MAGI2: variants seen among roughly 807,000 people sequenced by gnomAD.
MAGI2 encodes the protein membrane-associated guanylate kinase, WW and PDZ domain-containing protein 2.
Under a neutral mutation model 133.3 loss-of-function variants are expected in MAGI2, and 35 were observed. The observed-to-expected ratio is 0.26, with a 90% confidence interval of 0.20 to 0.35. The LOEUF (loss-of-function observed/expected upper bound fraction) is 0.35, where lower values mean the gene tolerates loss of function less well. Among genes scored for constraint, MAGI2 ranks in the 10% least tolerant of loss-of-function variants. The probability of loss-of-function intolerance (pLI) is 1.00; values close to 1 mark genes in which losing one functional copy is unlikely to be tolerated. For missense variants in MAGI2, 1,636 were observed against 1,863.4 expected (o/e 0.88, Z 2.25); for synonymous variants, 729 against 710.6 (o/e 1.03, Z -0.41).
At chr7:79,432,112 A>C (rs1252568078) in intron 1 of MAGI2, among the ~76,000 whole-genome samples, 1 of 152,244 alleles carries the variant, frequency 6.6e-6, no homozygotes, top group African/African-American at 2.4e-5. Context: ...GTGGAAAACA[A>C]GCAAGTTACT....
chr7:79,399,898 A>G (rs1437203093), intron 1 of MAGI2, among the ~76,000 whole-genome samples: 1 of 152,226 alleles, frequency 6.6e-6, no homozygotes, highest in African/African-American at 2.4e-5. Context: ...TGTTAATCAT[A>G]CTAATATTGT....
At chr7:78,106,284 A>T (rs1366234676) in intron 20 of MAGI2, among the ~76,000 whole-genome samples, 1 of 152,110 alleles carries the variant, frequency 6.6e-6, no homozygotes, top group Non-Finnish European at 1.5e-5. Flanking sequence ...GTTGATGCCA[A>T]ATCTTTGCTA....
intron 2 of MAGI2, among the ~76,000 whole-genome samples, chr7:78,737,016 G>C (rs1280735050): frequency 6.6e-6 from 1 of 152,178 alleles, no homozygotes; most frequent in Non-Finnish European, 1.5e-5. Context: ...TTGAATGAAT[G>C]ACTGACAGAT....
At chr7:79,039,512 T>A (rs1375577204) in intron 1 of MAGI2, among the ~76,000 whole-genome samples, 1 of 151,936 alleles carries the variant, frequency 6.6e-6, no homozygotes, top group Non-Finnish European at 1.5e-5. Context: ...ACAAATGGAA[T>A]TACATCAAGC....
intron 6 of MAGI2, among the ~76,000 whole-genome samples, chr7:78,446,869 G>C (rs1375506179): frequency 6.6e-6 from 1 of 152,038 alleles, no homozygotes; most frequent in African/African-American, 2.4e-5. Flanking sequence ...ATCAGCCGAA[G>C]AGTTACTAAA....
At chr7:78,675,241 T>C (rs1429096725) in intron 2 of MAGI2, among the ~76,000 whole-genome samples, 3 of 115,888 alleles carry the variant, frequency 2.6e-5, no homozygotes, top group African/African-American at 9.0e-5. Context: ...TTGAGAATTA[T>C]GGGTTGCTGT....
At chr7:78,652,471 C>T (rs1301454829) in intron 2 of MAGI2, among the ~76,000 whole-genome samples, 1 of 152,038 alleles carries the variant, frequency 6.6e-6, no homozygotes, top group Non-Finnish European at 1.5e-5. Context: ...GAAATAAAGC[C>T]ACACATCTAA....
At chr7:78,047,878 A>G (rs1029690779) in intron 21 of MAGI2, among the ~76,000 whole-genome samples, 1 of 152,210 alleles carries the variant, frequency 6.6e-6, no homozygotes, top group South Asian at 2.1e-4. Flanking sequence ...GGATTGCCCC[A>G]CTGCCTCTCT....
At position 79,221,673 on chromosome 7, in the gene MAGI2, GTTC is replaced by G. The variant is rs558349918; in HGVS notation, c.302-214470_302-214468del. Among the ~76,000 whole-genome samples the G allele has an allele frequency of 1.6e-4, 24 of 152,054 alleles. No individual in the cohort carries two copies. The East Asian group carries it at 4.1e-3, about 26-fold the overall frequency. On this transcript the variant is annotated intron_variant, in intron 1 of 21. Coordinates refer to ENST00000354212, the MANE Select transcript of MAGI2 (RefSeq NM_012301.4). ...AGATTATTTTGCTTTCACTTTTATT[GTTC>G]TTCTTCAGAAGTTTCAATGTGTCAT...
intron 1 of MAGI2, among the ~76,000 whole-genome samples, chr7:79,117,833 G>T (rs142181078): frequency 9.5e-4 from 145 of 152,222 alleles, no homozygotes; most frequent in African/African-American, 3.1e-3. Flanking sequence ...AGTAGTTAGC[G>T]GGGTGTACAC....
intron 1 of MAGI2, among the ~76,000 whole-genome samples, chr7:79,143,823 A>C (rs1822361104): frequency 6.6e-6 from 1 of 152,206 alleles, no homozygotes. Flanking sequence ...TATTACTATC[A>C]TGCAAAGCAT....
At chr7:78,648,335 G>C (rs565283910) in intron 2 of MAGI2, among the ~76,000 whole-genome samples, 1 of 152,196 alleles carries the variant, frequency 6.6e-6, no homozygotes, top group East Asian at 1.9e-4. Flanking sequence ...CTACTACCTT[G>C]AATAAAAAAT....
At chr7:78,606,207 G>A (rs1805797881) in intron 3 of MAGI2, among the ~76,000 whole-genome samples, 1 of 152,118 alleles carries the variant, frequency 6.6e-6, no homozygotes, top group Non-Finnish European at 1.5e-5. Context: ...TTGAATTTTA[G>A]TTTGTTTTTT....
At chr7:79,280,334 G>T (rs1327591345) in intron 1 of MAGI2, among the ~76,000 whole-genome samples, 2 of 152,140 alleles carry the variant, frequency 1.3e-5, no homozygotes, top group Non-Finnish European at 2.9e-5. Context: ...AAGTGTGTGA[G>T]TTGGAAGAAT....
chr7:78,469,016 T>C (rs1408703921), intron 6 of MAGI2, among the ~76,000 whole-genome samples: 3 of 152,178 alleles, frequency 2.0e-5, no homozygotes, highest in Non-Finnish European at 4.4e-5. Flanking sequence ...AATAAGTCAA[T>C]GTTAAATAAA....
chr7:78,786,370 T>C (rs1287668010), intron 2 of MAGI2, among the ~76,000 whole-genome samples: 1 of 152,194 alleles, frequency 6.6e-6, no homozygotes, highest in Non-Finnish European at 1.5e-5. Flanking sequence ...GTGAATCTGT[T>C]AAAACCTAAG....
At chr7:78,558,855 T>TC (rs1284508105) in intron 3 of MAGI2, among the ~76,000 whole-genome samples, 4 of 134,646 alleles carry the variant, frequency 3.0e-5, no homozygotes, top group Admixed American at 7.6e-5. Flanking sequence ...TTTTTTTTTT[T>TC]TCTTGCAAAG....
chr7:78,928,500 C>A (rs191578353), intron 2 of MAGI2, among the ~76,000 whole-genome samples: 1 of 152,018 alleles, frequency 6.6e-6, no homozygotes, highest in Non-Finnish European at 1.5e-5. Flanking sequence ...TTTATACACC[C>A]TTTTTAGGTA....
At chr7:78,759,161 TA>T (rs1563465465) in intron 2 of MAGI2, among the ~76,000 whole-genome samples, 1 of 151,994 alleles carries the variant, frequency 6.6e-6, no homozygotes, top group East Asian at 1.9e-4. Context: ...TTAATGTCAA[TA>T]AAATAACAAA....
Sources: gnomAD v4.1 joint callset for allele counts (sites outside exome capture counted in the v4.1 genomes callset) on GRCh38, gnomAD v4.1.1 for gene constraint, MANE v1.5 for transcripts, NCBI Gene and HGNC (gene_info 2026-07-23, HGNC 2026-07-21) for gene names.